NRXN3: variants seen among roughly 807,000 people sequenced by gnomAD.
NRXN3 encodes the protein neurexin III.
Under a neutral mutation model 137.6 loss-of-function variants are expected in NRXN3, and 32 were observed. The observed-to-expected ratio is 0.23, with a 90% CI of 0.18 to 0.31. The LOEUF is 0.31. NRXN3 is among the 10% of genes least tolerant of loss of function. The probability of loss-of-function intolerance (pLI) is 1.00; values close to 1 mark genes in which losing one functional copy is unlikely to be tolerated. For synonymous variants in NRXN3, 798 were observed against 784.5 expected (o/e 1.02, Z -0.29); for missense variants, 1,574 against 2,062.5 (o/e 0.76, Z 4.59).
At chr14:79,183,188 A>T (rs773093862) in intron 15 of NRXN3, among the ~76,000 whole-genome samples, 1 of 152,184 alleles carries the variant, frequency 6.6e-6, no homozygotes, top group Admixed American at 6.5e-5. Flanking sequence ...CATATATTTG[A>T]TTCATTTAAT....
intron 4 of NRXN3, among the ~76,000 whole-genome samples, chr14:78,349,295 C>G (rs1030605073): frequency 6.6e-6 from 1 of 152,166 alleles, no homozygotes; most frequent in Admixed American, 6.5e-5. Context: ...AATGTTACCC[C>G]TTTTTCTCCC....
intron 8 of NRXN3, among the ~76,000 whole-genome samples, chr14:78,725,686 G>A (rs191879484): frequency 6.6e-6 from 1 of 152,294 alleles, no homozygotes; most frequent in East Asian, 1.9e-4. Context: ...TAGGGATTGT[G>A]GGGGGTGACT....
chr14:79,676,045 G>GTCTGTCT, intron 17 of NRXN3, among the ~76,000 whole-genome samples: 1 of 152,136 alleles, frequency 6.6e-6, no homozygotes, highest in East Asian at 1.9e-4. Context: ...TGATTGATAT[G>GTCTGTCT]TCTGTCTTCT....
At chr14:79,279,730 A>G (rs973302234) in intron 15 of NRXN3, 57 of 987,104 alleles carry the variant, frequency 5.8e-5, no homozygotes, top group Non-Finnish European at 6.3e-5. Flanking sequence ...ACTCCCAGGA[A>G]CACCCGAAGA....
rs78870335 is a variant in NRXN3 at position 78,366,571 on chromosome 14, A to G, written c.757+68711A>G. On this transcript the variant is annotated intron_variant, in intron 4 of 20. Transcript: ENST00000335750. ...CTGCTGATAAAGACATATCCATAAG[A>G]CTGGGAAGAAAAAGAGTCTTATGGC... Among the ~76,000 whole-genome samples the G allele has an allele frequency of 8.4e-3, 1,281 of 152,320 alleles. 9 individuals carry two copies. The highest frequency in any genetic ancestry group is 0.012 in the Non-Finnish European group (822 of 68,034).
At chr14:78,886,615 T>G (rs1334828639) in intron 10 of NRXN3, among the ~76,000 whole-genome samples, 1 of 152,070 alleles carries the variant, frequency 6.6e-6, no homozygotes, top group Admixed American at 6.6e-5. Flanking sequence ...ATAATGGGAA[T>G]AAAGGAAAAA....
In NRXN3 at chr14:78,243,083, C is replaced by T. The variant is rs1314391518; in HGVS notation, c.-11C>T. The T allele has an allele frequency of 1.3e-6, 2 of 1,503,330 alleles. No individual in the cohort carries two copies. Among genetic ancestry groups the T allele is most frequent in the African/African-American group, 2.8e-5 (2 of 72,412 alleles). The allele number at this position is 1,503,330 out of a possible 1,614,324, so 93.1% of individuals were successfully genotyped here. A position where few individuals can be genotyped will look rare whatever the true frequency, so the allele number is the denominator to read the frequency against. On this transcript the variant is annotated 5_prime_UTR_variant, in exon 2 of 21. Transcript: ENST00000335750. The surrounding 1 kb of genome is among the most constrained non-coding windows in gnomAD (Gnocchi z 4.2). ...CTGTCTGCTCCTCCGGGCTCTGTCCCAGCAGCGACAATGAGCTCCACACTC... is the reference window on the plus strand; with the variant it reads ...CTGTCTGCTCCTCCGGGCTCTGTCCTAGCAGCGACAATGAGCTCCACACTC...
At position 79,391,027 on chromosome 14, in the gene NRXN3, G is replaced by A. The variant is rs528210987; in HGVS notation, c.3263-76194G>A. 2.3e-3 allele frequency among the ~76,000 whole-genome samples: 357 copies of A among 152,130 alleles called. 6 individuals carry two copies. The highest frequency in any genetic ancestry group is 1.1e-3 in the Non-Finnish European group (72 of 67,992). On this transcript the variant is annotated intron_variant, in intron 15 of 20. Transcript: ENST00000335750. ...GTCCCTTGCCAGTTGTAGGCCCTTC[G>A]ACCTTGGACTTCCCAGGCTCCAGAA...
At position 78,437,902 on chromosome 14, in the gene NRXN3, T is replaced by A. The variant is rs528317160; in HGVS notation, c.757+140042T>A. Among the ~76,000 whole-genome samples the A allele has an allele frequency of 2.6e-4, 39 of 152,280 alleles. 1 individual carries two copies. Among genetic ancestry groups the A allele is most frequent in the African/African-American group, 8.9e-4 (37 of 41,564 alleles). ...TAGAAGGAGAGACCAGGTTTTCAGA[T>A]GTAGAAGATACCCTGGAGAGTAGGG... On this transcript the variant is annotated intron_variant, in intron 4 of 20. Coordinates refer to ENST00000335750, the MANE Select transcript of NRXN3 (RefSeq NM_001330195.2).
intron 16 of NRXN3, among the ~76,000 whole-genome samples, chr14:79,569,466 C>T (rs907607716): frequency 6.6e-6 from 1 of 152,114 alleles, no homozygotes; most frequent in African/African-American, 2.4e-5. Flanking sequence ...TTGCATTAAA[C>T]AATTACTATG....
At chr14:79,037,066 G>A (rs1002424293) in intron 15 of NRXN3, among the ~76,000 whole-genome samples, 2 of 151,906 alleles carry the variant, frequency 1.3e-5, no homozygotes, top group Non-Finnish European at 2.9e-5. Context: ...ATTCACCTGG[G>A]TTAAAAATAA....
chr14:78,256,718 AC>A (rs2069681291), intron 2 of NRXN3, among the ~76,000 whole-genome samples: 1 of 152,274 alleles, frequency 6.6e-6, no homozygotes, highest in Non-Finnish European at 1.5e-5. Context: ...CATCCATGCA[AC>A]ACACGTAAGT....
chr14:78,528,622 A>G (rs1353610493), intron 4 of NRXN3, among the ~76,000 whole-genome samples: 2 of 152,182 alleles, frequency 1.3e-5, no homozygotes, highest in Non-Finnish European at 2.9e-5. Context: ...TTCAGGATAA[A>G]GGTAGTGAAA....
chr14:79,400,315 G>A (rs558945102), intron 15 of NRXN3, among the ~76,000 whole-genome samples: 111 of 152,208 alleles, frequency 7.3e-4, no homozygotes, highest in Non-Finnish European at 1.3e-3. Context: ...GCATAGGTCC[G>A]ACCATTGCTA....
intron 4 of NRXN3, among the ~76,000 whole-genome samples, chr14:78,561,688 A>G (rs1401844311): frequency 6.6e-6 from 1 of 152,194 alleles, no homozygotes; most frequent in African/African-American, 2.4e-5. Context: ...TCTTCCTGGA[A>G]CATACTCCAA....
intron 15 of NRXN3, among the ~76,000 whole-genome samples, chr14:79,257,463 GTGGTGGTGATGGTGGTGA>G (rs2062491897): frequency 2.5e-5 from 1 of 39,712 alleles, no homozygotes; most frequent in Non-Finnish European, 5.1e-5. Context: ...GGTGGTGGTG[GTGGTGGTGATGGTGGTGA>G]TGGTGGTGAT....
At chr14:79,003,646 T>C (rs1254375830) in intron 15 of NRXN3, among the ~76,000 whole-genome samples, 1 of 152,148 alleles carries the variant, frequency 6.6e-6, no homozygotes, top group Non-Finnish European at 1.5e-5. Context: ...TTCTGGTTTA[T>C]TATCTGAGTG....
chr14:79,356,292 G>A (rs996891063), intron 15 of NRXN3, among the ~76,000 whole-genome samples: 10 of 152,122 alleles, frequency 6.6e-5, no homozygotes, highest in African/African-American at 2.4e-4. Flanking sequence ...ATGTGTGGGG[G>A]TGTGTTATTT....
intron 4 of NRXN3, among the ~76,000 whole-genome samples, chr14:78,459,689 G>GT (rs1182668132): frequency 5.3e-5 from 8 of 152,050 alleles, no homozygotes; most frequent in East Asian, 1.9e-4. Flanking sequence ...AGAAGATCTT[G>GT]TTTTTTTGAC....
Sources: allele counts gnomAD v4.1 joint callset (sites outside exome capture counted in the v4.1 genomes callset), GRCh38; gene constraint gnomAD v4.1.1; non-coding constraint Gnocchi (gnomAD v3.1); transcripts MANE v1.5; gene names NCBI Gene and HGNC (gene_info 2026-07-23, HGNC 2026-07-21).